Variants in BTBD9 observed in about 807,000 individuals in gnomAD.
The protein encoded by BTBD9 is BTB/POZ domain-containing protein 9.
BTBD9 carries 49 observed loss-of-function variants against 64.3 expected under a neutral mutation model. The ratio of observed to expected loss-of-function variants is 0.76; its 90% CI spans 0.61 to 0.97. BTBD9 has a LOEUF of 0.97. Among genes scored for constraint, BTBD9 ranks in the 50% least tolerant of loss-of-function variants. The probability of loss-of-function intolerance (pLI) is 0.00; values close to 1 mark genes in which losing one functional copy is unlikely to be tolerated. For synonymous variants in BTBD9, 260 were observed against 274.7 expected, an observed-to-expected ratio of 0.95 and a Z score of 0.53; for missense variants, 598 against 762.1, an observed-to-expected ratio of 0.78 and a Z score of 2.53.
intron 1 of BTBD9, among the ~76,000 whole-genome samples, chr6:38,605,083 G>A (rs9380760): frequency 0.061 from 9,095 of 150,310 alleles, 651 homozygotes; most frequent in East Asian, 0.23. Flanking sequence ...ATCTTGCTCT[G>A]TCACTCAGGC....
At chr6:38,495,401 A>G (rs779904908) in intron 6 of BTBD9, among the ~76,000 whole-genome samples, 2 of 152,252 alleles carry the variant, frequency 1.3e-5, no homozygotes, top group Admixed American at 6.5e-5. Context: ...TATTTTCACC[A>G]GAAGGAGGAC....
intron 7 of BTBD9, among the ~76,000 whole-genome samples, chr6:38,322,806 G>A (rs1763286871): frequency 6.6e-6 from 1 of 152,150 alleles, no homozygotes; most frequent in South Asian, 2.1e-4. Context: ...AAGAAATCCT[G>A]CCTTTTAGCT....
intron 10 of BTBD9, among the ~76,000 whole-genome samples, chr6:38,187,381 A>G (rs1201400404): frequency 2.6e-5 from 4 of 152,236 alleles, no homozygotes; most frequent in Non-Finnish European, 4.4e-5. Flanking sequence ...GAAATGGTCA[A>G]GAAGGACCTC....
At chr6:38,458,763 G>A (rs909111061) in intron 6 of BTBD9, among the ~76,000 whole-genome samples, 3 of 152,120 alleles carry the variant, frequency 2.0e-5, no homozygotes, top group Admixed American at 6.5e-5. Flanking sequence ...TTTGAAAAAT[G>A]GCAAATGGCA....
chr6:38,548,863 T>C (rs1181169344), intron 6 of BTBD9, among the ~76,000 whole-genome samples: 4 of 151,970 alleles, frequency 2.6e-5, no homozygotes, highest in South Asian at 2.1e-4. Context: ...AATAAATCCA[T>C]AAGGAAATGG....
chr6:38,635,663 T>C (rs1778505780), intron 1 of BTBD9, among the ~76,000 whole-genome samples: 1 of 152,196 alleles, frequency 6.6e-6, no homozygotes, highest in Non-Finnish European at 1.5e-5. Flanking sequence ...CTCACCCATG[T>C]GATGCCTTCT....
At chr6:38,256,325 C>G in intron 9 of BTBD9, 84 bp downstream of exon 9, 1 of 938,876 alleles carries the variant, frequency 1.1e-6, no homozygotes, top group Non-Finnish European at 1.7e-6. Context: ...TTTGGCGATT[C>G]TATGAATTTT....
intron 1 of BTBD9, among the ~76,000 whole-genome samples, chr6:38,638,310 G>C (rs904066215): frequency 6.6e-6 from 1 of 152,130 alleles, no homozygotes; most frequent in Non-Finnish European, 1.5e-5. Context: ...AAAAAGACAG[G>C]TCTTCTATGT....
chr6:38,177,688 C>T (rs1463782634), intron 10 of BTBD9, among the ~76,000 whole-genome samples: 2 of 152,190 alleles, frequency 1.3e-5, no homozygotes, highest in Admixed American at 6.5e-5. Flanking sequence ...TTCCACGACC[C>T]GACCTGTCGG....
At chr6:38,529,581 C>G (rs1773686575) in intron 6 of BTBD9, among the ~76,000 whole-genome samples, 1 of 152,240 alleles carries the variant, frequency 6.6e-6, no homozygotes, top group South Asian at 2.1e-4. Flanking sequence ...CATGACCTCA[C>G]ATGTTGCGGG....
chr6:38,238,332 G>A (rs1763862156), intron 9 of BTBD9, among the ~76,000 whole-genome samples: 1 of 152,150 alleles, frequency 6.6e-6, no homozygotes, highest in East Asian at 1.9e-4. Context: ...GATTTACATT[G>A]GTTCCACCTG....
chr6:38,199,099 C>T (rs898426758), intron 9 of BTBD9, among the ~76,000 whole-genome samples: 2 of 152,154 alleles, frequency 1.3e-5, no homozygotes, highest in Non-Finnish European at 2.9e-5. Context: ...GACAACCATC[C>T]CTTCACCTTG....
At chr6:38,243,390 A>G (rs1764075294) in intron 9 of BTBD9, among the ~76,000 whole-genome samples, 1 of 152,210 alleles carries the variant, frequency 6.6e-6, no homozygotes, top group Non-Finnish European at 1.5e-5. Flanking sequence ...GGGATTAAGA[A>G]ATCACAGCAA....
intron 6 of BTBD9, among the ~76,000 whole-genome samples, chr6:38,523,247 C>T (rs1035462132): frequency 6.6e-6 from 1 of 151,956 alleles, no homozygotes; most frequent in African/African-American, 2.4e-5. Context: ...TTGCAGACAC[C>T]TCTTCTTCTC....
chr6:38,435,807 T>G (rs1303007985), intron 6 of BTBD9, among the ~76,000 whole-genome samples: 2 of 151,214 alleles, frequency 1.3e-5, no homozygotes, highest in African/African-American at 4.9e-5. Context: ...TAGCTGGGAT[T>G]ACAGGTGCCC....
intron 7 of BTBD9, among the ~76,000 whole-genome samples, chr6:38,290,752 GTCTTA>G (rs1317346956): frequency 6.6e-6 from 1 of 152,120 alleles, no homozygotes; most frequent in African/African-American, 2.4e-5. Flanking sequence ...AAGTCACATG[GTCTTA>G]TCTAACTTCA....
chr6:38,305,895 C>T (rs551596770), intron 7 of BTBD9, among the ~76,000 whole-genome samples: 2 of 152,326 alleles, frequency 1.3e-5, no homozygotes, highest in South Asian at 4.1e-4. Flanking sequence ...CACTGGTTTA[C>T]TAATATACAT....
intron 6 of BTBD9, chr6:38,402,819 G>T (rs1428424905): frequency 1.4e-6 from 1 of 700,938 alleles, no homozygotes; most frequent in Non-Finnish European, 2.6e-6. Flanking sequence ...TATAATACCT[G>T]CACTTTGGAA....
At chr6:38,287,082 CAAA>C (rs60618390) in intron 8 of BTBD9, among the ~76,000 whole-genome samples, 48 of 25,364 alleles carry the variant, frequency 1.9e-3, no homozygotes, top group African/African-American at 7.8e-3. Context: ...GGCTCCATCT[CAAA>C]AAAAAAAAAA....
Sources: allele counts gnomAD v4.1 joint callset (sites outside exome capture counted in the v4.1 genomes callset), GRCh38; gene constraint gnomAD v4.1.1; transcripts MANE v1.5; gene names NCBI Gene and HGNC (gene_info 2026-07-23, HGNC 2026-07-21).